SCHIP1: variants seen among roughly 807,000 people sequenced by gnomAD.
SCHIP1 encodes the protein schwannomin-interacting protein 1.
SCHIP1 carries 8 observed loss-of-function variants against 29.7 expected under a neutral mutation model. The ratio of observed to expected loss-of-function variants is 0.27; its 90% CI spans 0.16 to 0.49. The LOEUF is 0.49. Among genes scored for constraint, SCHIP1 ranks in the 20% least tolerant of loss-of-function variants. SCHIP1 has a pLI of 0.99. For missense variants in SCHIP1, 193 were observed against 294.6 expected, an observed-to-expected ratio of 0.66 and a Z score of 2.52; for synonymous variants, 76 against 94.9, an observed-to-expected ratio of 0.80 and a Z score of 1.16.
At chr3:159,602,736 A>T in the SCHIP1 span, among the ~76,000 whole-genome samples, 1 of 151,982 alleles carries the variant, frequency 6.6e-6, no homozygotes, top group African/African-American at 2.4e-5. Context: ...AAACAAACAA[A>T]CAAAACATCA....
At chr3:159,808,345 C>G in the SCHIP1 span, 1 of 152,326 alleles carries the variant, frequency 6.6e-6, no homozygotes, top group East Asian at 1.9e-4. Context: ...TAACAGAACC[C>G]TAATTTGCCT....
chr3:159,741,832 G>T, the SCHIP1 span, among the ~76,000 whole-genome samples: 1 of 152,176 alleles, frequency 6.6e-6, no homozygotes, highest in East Asian at 1.9e-4. Context: ...GACTGAGATA[G>T]GGTGCAGTGT....
the SCHIP1 span, among the ~76,000 whole-genome samples, chr3:159,490,530 T>C: frequency 2.0e-5 from 3 of 152,288 alleles, no homozygotes; most frequent in Admixed American, 2.0e-4. Flanking sequence ...CTTCATTGAG[T>C]TACCCAAGCA....
chr3:159,893,545 G>A (rs956712510), intron 6 of SCHIP1: 2 of 152,090 alleles, frequency 1.3e-5, no homozygotes, highest in Admixed American at 1.3e-4. Context: ...TGTAAACTAT[G>A]ATTTACCTGT....
chr3:159,713,264 G>GAAAGAA, the SCHIP1 span, among the ~76,000 whole-genome samples: 1 of 147,356 alleles, frequency 6.8e-6, no homozygotes, highest in African/African-American at 2.5e-5. Flanking sequence ...AAGAAAGAAA[G>GAAAGAA]AAAGAAAGAA....
At chr3:159,871,371 G>T (rs186493515) in intron 2 of SCHIP1, among the ~76,000 whole-genome samples, 1 of 117,422 alleles carries the variant, frequency 8.5e-6, no homozygotes, top group East Asian at 2.9e-4. Flanking sequence ...GGGGGGGTGG[G>T]GGGGGGCTTA....
chr3:159,586,565 T>C, the SCHIP1 span, among the ~76,000 whole-genome samples: 1 of 152,178 alleles, frequency 6.6e-6, no homozygotes. Flanking sequence ...TATTTAAACG[T>C]AGCATCTTAC....
chr3:159,785,579 G>GTTTTTTTTT, the SCHIP1 span, among the ~76,000 whole-genome samples: 3 of 138,964 alleles, frequency 2.2e-5, no homozygotes, highest in Non-Finnish European at 4.7e-5. Flanking sequence ...AGTTTTGTTG[G>GTTTTTTTTT]TTTTTTTTTT....
chr3:159,325,297 G>T, the SCHIP1 span, among the ~76,000 whole-genome samples: 2 of 152,096 alleles, frequency 1.3e-5, no homozygotes, highest in Admixed American at 1.3e-4. Flanking sequence ...AAAAATATTT[G>T]TTTTAATGTC....
At chr3:159,645,259 C>T in the SCHIP1 span, among the ~76,000 whole-genome samples, 6 of 152,238 alleles carry the variant, frequency 3.9e-5, no homozygotes, top group African/African-American at 1.4e-4. Context: ...ACCTCCTCCC[C>T]CAGGCTTGAC....
the SCHIP1 span, among the ~76,000 whole-genome samples, chr3:159,634,346 C>T: frequency 1.7e-4 from 26 of 152,170 alleles, no homozygotes; most frequent in African/African-American, 6.0e-4. Context: ...AAGAAATAAA[C>T]TATGTAAGTG....
At chr3:159,732,331 T>C in the SCHIP1 span, among the ~76,000 whole-genome samples, 1 of 152,192 alleles carries the variant, frequency 6.6e-6, no homozygotes. Flanking sequence ...CCTGTCCCTT[T>C]AAGGCCAAGA....
chr3:159,838,361 T>G (rs1743873912), upstream of SCHIP1, among the ~76,000 whole-genome samples: 1 of 152,210 alleles, frequency 6.6e-6, no homozygotes, highest in Admixed American at 6.5e-5. Flanking sequence ...TTGTCAAACA[T>G]GTCAATTCCA....
At chr3:159,670,268 A>C in the SCHIP1 span, among the ~76,000 whole-genome samples, 39 of 152,190 alleles carry the variant, frequency 2.6e-4, no homozygotes, top group African/African-American at 8.7e-4. Context: ...GAAATATTCA[A>C]ATGGCTTCTT....
At chr3:159,332,824 CTGAT>C in the SCHIP1 span, among the ~76,000 whole-genome samples, 1 of 152,168 alleles carries the variant, frequency 6.6e-6, no homozygotes, top group South Asian at 2.1e-4. Flanking sequence ...TCACACATCA[CTGAT>C]TGTGACAGTG....
chr3:159,651,799 A>G, the SCHIP1 span, among the ~76,000 whole-genome samples: 3 of 152,222 alleles, frequency 2.0e-5, no homozygotes, highest in Admixed American at 6.5e-5. Context: ...AAATATTACC[A>G]TAAGTATAGC....
chr3:159,326,049 C>G, the SCHIP1 span, among the ~76,000 whole-genome samples: 10 of 152,030 alleles, frequency 6.6e-5, no homozygotes, highest in African/African-American at 2.4e-4. Context: ...TCATAGTAAC[C>G]TTATTGGTTA....
the SCHIP1 span, among the ~76,000 whole-genome samples, chr3:159,826,128 C>A: frequency 6.6e-6 from 1 of 152,152 alleles, no homozygotes; most frequent in Non-Finnish European, 1.5e-5. Flanking sequence ...CAAGATGTGA[C>A]AAAATCTGAT....
the SCHIP1 span, among the ~76,000 whole-genome samples, chr3:159,656,568 T>A: frequency 1.8e-4 from 27 of 150,766 alleles, no homozygotes; most frequent in East Asian, 4.1e-3. Flanking sequence ...TTACAAATCA[T>A]TTTTGGTGTG....
Sources: allele counts gnomAD v4.1 joint callset (sites outside exome capture counted in the v4.1 genomes callset), GRCh38; gene constraint gnomAD v4.1.1; transcripts MANE v1.5; gene names NCBI Gene and HGNC (gene_info 2026-07-23, HGNC 2026-07-21).